Variants in ZNF442 observed in about 807,000 individuals in gnomAD.
The protein encoded by ZNF442 is zinc finger protein 442.
In ZNF442, 45 loss-of-function variants were observed where a neutral mutation model predicts 57.0. The ratio of observed to expected loss-of-function variants is 0.79; its 90% CI spans 0.62 to 1.01. The LOEUF (loss-of-function observed/expected upper bound fraction) is 1.01, where lower values mean the gene tolerates loss of function less well. Ranked by LOEUF, ZNF442 falls within the 50% of genes least tolerant of loss-of-function variation. The pLI is 0.00. For synonymous variants in ZNF442, 213 were observed against 241.8 expected, an observed-to-expected ratio of 0.88 and a Z score of 1.10; for missense variants, 690 against 756.5, an observed-to-expected ratio of 0.91 and a Z score of 1.03.
At position 12,350,451 on chromosome 19, in the gene ZNF442, T is replaced by C. The variant is rs766840840; in HGVS notation, c.1134A>G (p.Glu378=). 5.5e-5 allele frequency: 88 copies of C among 1,613,906 alleles called. No individual in the cohort carries two copies. In the South Asian group the frequency reaches 9.3e-4, roughly 17 times the overall value. Residue 378 remains glutamate, a synonymous_variant, in exon 6 of 6, where the codon GAA becomes GAG. Coordinates refer to ENST00000242804, the MANE Select transcript of ZNF442 (RefSeq NM_030824.3). ...ATAACGCTTTCCCACACTGCTTGCATTCATAGGGTTTCTCTCCAGTGTGAG... is the reference window on the plus strand; with the variant it reads ...ATAACGCTTTCCCACACTGCTTGCACTCATAGGGTTTCTCTCCAGTGTGAG... ...ERTHTGEKPY[E]CKQCGKALSH...
At chr19:12,365,367 C>A in intron 1 of ZNF442, 124 bp from the exon 2 acceptor site, 1 of 225,478 alleles carries the variant, frequency 4.4e-6, no homozygotes, top group Non-Finnish European at 9.0e-6. Flanking sequence ...CAGCCCCCAG[C>A]TCCCACCCCG....
chr19:12,354,349 T>C (rs1380484056), intron 3 of ZNF442, among the ~76,000 whole-genome samples: 1 of 152,180 alleles, frequency 6.6e-6, no homozygotes, highest in Non-Finnish European at 1.5e-5. Flanking sequence ...TATTAGGTAA[T>C]GTCAAAGGAG....
At chr19:12,359,035 G>T (rs1969380709) in intron 3 of ZNF442, among the ~76,000 whole-genome samples, 1 of 152,196 alleles carries the variant, frequency 6.6e-6, no homozygotes, top group Non-Finnish European at 1.5e-5. Context: ...AAAAGAGAGA[G>T]GCACAGCAAA....
At position 12,365,604 on chromosome 19, in the gene ZNF442, C is replaced by T. The variant is rs61380636; in HGVS notation, c.-554G>A. 2.8e-3 allele frequency: 936 copies of T among 332,286 alleles called. 6 individuals carry two copies. Among genetic ancestry groups the T allele is most frequent in the African/African-American group, 0.019 (856 of 44,498 alleles). 20.6% of individuals were successfully genotyped at this position (332,286 alleles called of 1,614,324 possible). A position where few individuals can be genotyped will look rare whatever the true frequency, so the allele number is the denominator to read the frequency against. ...GCTGCCAGCATAGGACTCAGCGTGA[C>T]AGTGCCTGCCACTGACCTGCCAGGG... is the stretch of plus-strand genomic sequence containing the variant. On this transcript the variant is annotated 5_prime_UTR_variant, in exon 1 of 6. Transcript: ENST00000242804.
rs1208822035 is a variant in ZNF442 at position 12,351,174 on chromosome 19, A to C, written c.411T>G (p.Asp137Glu). ...CSFLNCYITFDAGHKPDECQE... is the reference protein window; with the variant it reads ...CSFLNCYITFEAGHKPDECQE... Reference sequence around the variant, plus strand: ...GACACTCATCTGGTTTGTGTCCAGCATCAAATGTGATATAGCAATTAAGGA... The same window carrying C: ...GACACTCATCTGGTTTGTGTCCAGCCTCAAATGTGATATAGCAATTAAGGA... Residue 137 changes from aspartate (D) to glutamate (E), a missense_variant, in exon 6 of 6, where the codon GAT becomes GAG. Physicochemically the swap from Asp to Glu is conservative, Grantham distance 45. Transcript: ENST00000242804. 1 of 1,614,158 alleles carries C rather than the reference A, an allele frequency of 6.2e-7. No homozygotes were observed. Among genetic ancestry groups the C allele is most frequent in the African/African-American group, 1.3e-5 (1 of 75,036 alleles).
the ZNF442 span, among the ~76,000 whole-genome samples, chr19:12,371,941 CA>C: frequency 6.6e-6 from 1 of 152,126 alleles, no homozygotes; most frequent in Non-Finnish European, 1.5e-5. Context: ...AAAACATTGA[CA>C]AGTGGGATCT....
rs1969228667 is a variant in ZNF442, at chr19:12,351,124, G to A, written c.461C>T (p.Thr154Ile). ...GAAGGCTGTCCCACATTGTTTATGTGTATGTGGCTTCTCTCCATATTCCTG... is the reference window on the plus strand; with the variant it reads ...GAAGGCTGTCCCACATTGTTTATGTATATGTGGCTTCTCTCCATATTCCTG... ...ECQEYGEKPHTHKQCGTAFNY... is the reference protein window; with the variant it reads ...ECQEYGEKPHIHKQCGTAFNY... The change falls in exon 6 of 6, where the codon ACA becomes ATA. Residue 154 changes from threonine to isoleucine, a missense_variant. Physicochemically the swap from Thr to Ile is moderately conservative, Grantham distance 89. Transcript: ENST00000242804. The A allele has an allele frequency of 1.2e-6, 2 of 1,613,980 alleles. No individual in the cohort carries two copies. Among genetic ancestry groups the A allele is most frequent in the Non-Finnish European group, 8.5e-7 (1 of 1,180,018 alleles).
At chr19:12,366,881 G>A (rs12972308), upstream of ZNF442, among the ~76,000 whole-genome samples, 23 of 152,098 alleles carry the variant, frequency 1.5e-4, no homozygotes, top group Non-Finnish European at 2.4e-4. Context: ...GCAATCCGCC[G>A]GCCTCGGCCT....
Position 12,350,395 on chromosome 19 carries a change from A to G in ZNF442, c.1190T>C (p.Ile397Thr). 4 of 1,613,568 alleles carry G rather than the reference A, an allele frequency of 2.5e-6. No homozygotes were observed. The highest frequency in any genetic ancestry group is 3.4e-6 in the Non-Finnish European group (4 of 1,179,940). The change falls in exon 6 of 6, where the codon ATA becomes ACA. Residue 397 changes from isoleucine to threonine, a missense_variant. Ile to Thr is a moderately conservative substitution (Grantham distance 89, BLOSUM62 -1). Transcript: ENST00000242804. ...SHHSSFRSHMIMHTGDGPHKC... is the reference protein window; with the variant it reads ...SHHSSFRSHMTMHTGDGPHKC... ...GTGAGGTCCATCTCCAGTGTGCATT[A>G]TCATATGACTTCGAAAGCTTGAGTG...
At chr19:12,372,274 T>C in the ZNF442 span, among the ~76,000 whole-genome samples, 2 of 152,086 alleles carry the variant, frequency 1.3e-5, no homozygotes, top group Non-Finnish European at 1.5e-5. Context: ...CTGGCCAACA[T>C]GGTGAAACCC....
Position 12,350,190 on chromosome 19 carries a change from A to C in ZNF442, c.1395T>G (p.Cys465Trp). ...HTGEKPYKCK[C>W]GKAFIDFYSF... ...AATAGAAATCAATAAAGGCTTTCCC[A>C]CATTTACATTTATAGGGTTTCTCTC... The change falls in exon 6 of 6, where the codon TGT becomes TGG. Residue 465 changes from cysteine to tryptophan, a missense_variant. Transcript: ENST00000242804. The C allele has an allele frequency of 6.2e-7, 1 of 1,613,698 alleles. No homozygotes were observed. The highest frequency in any genetic ancestry group is 8.5e-7 in the Non-Finnish European group (1 of 1,179,856).
In ZNF442 at chr19:12,350,826, T is replaced by C. The variant is rs1306382309; in HGVS notation, c.759A>G (p.Leu253=). ...CKAFPIYSSY[L]RHERTHTGEK... ...CCCCAGTGTGTGTTCTTTCATGTCT[T>C]AGATAGGAACTGTAAATAGGGAAGG... is the stretch of plus-strand genomic sequence containing the variant. Residue 253 remains leucine (L), a synonymous_variant, in exon 6 of 6, where the codon CTA becomes CTG. Transcript: ENST00000242804. 1 of 1,614,038 alleles carries C rather than the reference T, an allele frequency of 6.2e-7. No homozygotes were observed. The highest frequency in any genetic ancestry group is 8.5e-7 in the Non-Finnish European group (1 of 1,179,988).
intron 4 of ZNF442, 49 bp downstream of exon 4, chr19:12,352,939 G>A: frequency 2.5e-6 from 4 of 1,580,796 alleles, no homozygotes; most frequent in Non-Finnish European, 2.6e-6. Flanking sequence ...TGATGACCAA[G>A]AAAAAAATGT....
chr19:12,355,292 A>C (rs903224261), intron 3 of ZNF442, among the ~76,000 whole-genome samples: 11 of 146,526 alleles, frequency 7.5e-5, no homozygotes, highest in African/African-American at 2.7e-4. Context: ...CTCCATCTCA[A>C]AAAAAAAAAA....
At chr19:12,370,972 CAA>C in the ZNF442 span, among the ~76,000 whole-genome samples, 28 of 65,980 alleles carry the variant, frequency 4.2e-4, no homozygotes, top group Non-Finnish European at 2.4e-4. Flanking sequence ...GACCCCATCT[CAA>C]AAAAAAAAAA....
chr19:12,368,501 G>A (rs928877541), upstream of ZNF442, among the ~76,000 whole-genome samples: 1 of 152,178 alleles, frequency 6.6e-6, no homozygotes, highest in Non-Finnish European at 1.5e-5. Context: ...GGGTCCCTTA[G>A]TTCCCGCAAC....
Position 12,350,642 on chromosome 19 carries a change from G to C in ZNF442, c.943C>G (p.His315Asp), listed in dbSNP as rs146423675. Residue 315 changes from histidine to aspartate, a missense_variant, in exon 6 of 6, where the codon CAC (histidine) becomes GAC (aspartate). Transcript: ENST00000242804. ...SSSLRIHERT[H>D]TGEKPYECKQ... ...CATTCATAGGGTTTCTCTCCAGTGTGAGTTCTTTCATGTATTCGAAGGGAA... is the reference window on the plus strand; with the variant it reads ...CATTCATAGGGTTTCTCTCCAGTGTCAGTTCTTTCATGTATTCGAAGGGAA... The C allele has an allele frequency of 7.1e-4, 1,140 of 1,614,036 alleles. 13 individuals are homozygous for C. The African/African-American group carries it at 0.013, about 19-fold the overall frequency.
chr19:12,373,654 C>A, the ZNF442 span: 3 of 308,578 alleles, frequency 9.7e-6, no homozygotes, highest in South Asian at 6.8e-5. Context: ...TGGTCTGATC[C>A]GGAAATATGG....
intron 3 of ZNF442, among the ~76,000 whole-genome samples, chr19:12,353,507 G>A (rs892011668): frequency 5.9e-5 from 9 of 152,152 alleles, no homozygotes; most frequent in African/African-American, 1.7e-4. Flanking sequence ...TGGATCCTTC[G>A]TGTACTCTAG....
Sources: gnomAD v4.1 joint callset for allele counts (sites outside exome capture counted in the v4.1 genomes callset) on GRCh38, gnomAD v4.1.1 for gene constraint, MANE v1.5 for transcripts, NCBI Gene and HGNC (gene_info 2026-07-23, HGNC 2026-07-21) for gene names.